TMEM17: variants seen among roughly 807,000 people sequenced by gnomAD.
TMEM17 encodes the protein transmembrane protein 17.
A neutral mutation model predicts 19.1 loss-of-function variants in TMEM17; 15 were observed. The observed-to-expected ratio is 0.78, with a 90% CI of 0.52 to 1.21. The LOEUF (loss-of-function observed/expected upper bound fraction) is 1.21. Among genes scored for constraint, TMEM17 ranks in the 50% most tolerant of loss-of-function variants. TMEM17 has a pLI of 0.00. For synonymous variants in TMEM17, 103 were observed against 86.9 expected (o/e 1.19, Z -1.03); for missense variants, 245 against 242.3 (o/e 1.01, Z -0.07).
At position 62,506,169 on chromosome 2, in the gene TMEM17, T is replaced by C. The variant is rs774938716; in HGVS notation, c.-40A>G. Reference sequence around the variant, plus strand: ...ATCCCTCACCCCCTCAGACACGGGCTAGTCTGCGGGCGCTCCGAGGCTCCG... The same window carrying C: ...ATCCCTCACCCCCTCAGACACGGGCCAGTCTGCGGGCGCTCCGAGGCTCCG... On this transcript the variant is annotated 5_prime_UTR_variant, in exon 1 of 4. Transcript: ENST00000335390. The C allele has an allele frequency of 6.5e-6, 10 of 1,532,514 alleles. No homozygotes were observed. Among genetic ancestry groups the C allele is most frequent in the Non-Finnish European group, 7.9e-6 (9 of 1,133,036 alleles). 94.9% of individuals were successfully genotyped at this position (1,532,514 alleles called of 1,614,324 possible).
the TMEM17 span, among the ~76,000 whole-genome samples, chr2:62,459,084 G>A: frequency 6.6e-6 from 1 of 152,212 alleles, no homozygotes; most frequent in African/African-American, 2.4e-5. Context: ...CTTGCTTGTA[G>A]AATTTCTGAC....
chr2:62,490,551 C>T, the TMEM17 span, among the ~76,000 whole-genome samples: 2 of 152,108 alleles, frequency 1.3e-5, no homozygotes, highest in Non-Finnish European at 2.9e-5. Flanking sequence ...GCATGAGCAA[C>T]AAGTCTGATA....
the TMEM17 span, among the ~76,000 whole-genome samples, chr2:62,459,478 C>A: frequency 2.0e-5 from 3 of 152,354 alleles, no homozygotes; most frequent in African/African-American, 7.2e-5. Context: ...GTTTCTTGAC[C>A]AACTGATTTG....
the TMEM17 span, among the ~76,000 whole-genome samples, chr2:62,458,582 A>C: frequency 6.6e-6 from 1 of 152,206 alleles, no homozygotes; most frequent in African/African-American, 2.4e-5. Context: ...GTGGTAACGC[A>C]TGGGGTGCTG....
the TMEM17 span, among the ~76,000 whole-genome samples, chr2:62,455,615 A>C: frequency 6.6e-6 from 1 of 152,202 alleles, no homozygotes; most frequent in Non-Finnish European, 1.5e-5. Flanking sequence ...AAAAATACAA[A>C]AATTAGCTGG....
rs201339749 is a variant in TMEM17, at chr2:62,502,449, G to T, written c.306C>A (p.Asn102Lys). Residue 102 changes from asparagine (N) to lysine (K), a missense_variant, in exon 3 of 4, where the codon AAC (asparagine) becomes AAA (lysine). Physicochemically the swap from Asn to Lys is moderately conservative, Grantham distance 94 (BLOSUM62 0). Coordinates refer to ENST00000335390, the MANE Select transcript of TMEM17 (RefSeq NM_198276.3). ...AAAAAGAGCTTACCTTCTCCTGTAG[G>T]TTACCCACGTAGCCCAGATACAACC... Reference protein sequence around the residue: ...AIRLYLGYVGNLQEKVPELAG... With the variant: ...AIRLYLGYVGKLQEKVPELAG... The T allele has an allele frequency of 1.9e-6, 3 of 1,603,364 alleles. No homozygotes were observed. The highest frequency in any genetic ancestry group is 1.3e-5 in the African/African-American group (1 of 74,594).
At chr2:62,462,796 A>C in the TMEM17 span, among the ~76,000 whole-genome samples, 1 of 152,086 alleles carries the variant, frequency 6.6e-6, no homozygotes, top group African/African-American at 2.4e-5. Context: ...GATAAACTAG[A>C]TAAGATGGTC....
chr2:62,480,049 TC>T, the TMEM17 span, among the ~76,000 whole-genome samples: 1 of 152,214 alleles, frequency 6.6e-6, no homozygotes, highest in African/African-American at 2.4e-5. Context: ...GGTTCTCTTT[TC>T]TCTGCATCTT....
chr2:62,479,975 T>C, the TMEM17 span, among the ~76,000 whole-genome samples: 1 of 152,150 alleles, frequency 6.6e-6, no homozygotes, highest in Non-Finnish European at 1.5e-5. Context: ...TTGTAGTTTT[T>C]TGAGGAATCT....
intron 3 of TMEM17, chr2:62,501,805 T>G (rs1240521672): frequency 4.6e-6 from 1 of 219,700 alleles, no homozygotes; most frequent in Non-Finnish European, 9.0e-6. Context: ...GCTTTTTAAG[T>G]TGTGGAGAAG....
the TMEM17 span, among the ~76,000 whole-genome samples, chr2:62,454,742 C>T: frequency 3.0e-4 from 45 of 152,286 alleles, no homozygotes; most frequent in South Asian, 2.3e-3. Flanking sequence ...CTCACTCTGT[C>T]GCCCAGGCTG....
downstream of TMEM17, among the ~76,000 whole-genome samples, chr2:62,495,666 CG>C (rs67825856): frequency 0.44 from 67,504 of 151,918 alleles, 15,325 homozygotes; most frequent in Middle Eastern, 0.59. Flanking sequence ...TTCTGTTTGC[CG>C]CTTTGTTTTC....
chr2:62,485,238 C>T, the TMEM17 span, among the ~76,000 whole-genome samples: 4 of 152,242 alleles, frequency 2.6e-5, no homozygotes, highest in Non-Finnish European at 5.9e-5. Context: ...CCACGCCCAG[C>T]TTGATTCATA....
At chr2:62,481,287 T>A in the TMEM17 span, among the ~76,000 whole-genome samples, 1 of 152,206 alleles carries the variant, frequency 6.6e-6, no homozygotes, top group Non-Finnish European at 1.5e-5. Context: ...GTATATTTAT[T>A]TTGTGCCCTG....
At chr2:62,457,466 C>G in the TMEM17 span, among the ~76,000 whole-genome samples, 1 of 152,192 alleles carries the variant, frequency 6.6e-6, no homozygotes, top group Non-Finnish European at 1.5e-5. The surrounding 1 kb of genome is among the most constrained non-coding windows in gnomAD (Gnocchi z 4.2). Context: ...ATAGCGGCCT[C>G]AGGGGCAGAG....
At chr2:62,479,022 G>T in the TMEM17 span, among the ~76,000 whole-genome samples, 1 of 152,196 alleles carries the variant, frequency 6.6e-6, no homozygotes, top group Non-Finnish European at 1.5e-5. Flanking sequence ...AGTGATCAGG[G>T]TAATTAGCAT....
At chr2:62,501,557 T>C (rs1679931104) in intron 3 of TMEM17, 70 bp from the exon 4 acceptor site, 7 of 1,421,646 alleles carry the variant, frequency 4.9e-6, no homozygotes, top group Non-Finnish European at 6.7e-6. Flanking sequence ...GATAAACAAG[T>C]ACTTATCACT....
chr2:62,461,119 C>A, the TMEM17 span, among the ~76,000 whole-genome samples: 1 of 152,300 alleles, frequency 6.6e-6, no homozygotes, highest in East Asian at 1.9e-4. Context: ...GGCTCTCTGG[C>A]CAGCCTCTTG....
intron 2 of TMEM17, 60 bp from the exon 3 acceptor site, chr2:62,502,610 T>C: frequency 1.5e-6 from 2 of 1,366,564 alleles, no homozygotes; most frequent in East Asian, 2.4e-5. Flanking sequence ...TGATTTAAGA[T>C]AGAAAAAATT....
Sources: gnomAD v4.1 joint callset for allele counts (sites outside exome capture counted in the v4.1 genomes callset) on GRCh38, gnomAD v4.1.1 for gene constraint, Gnocchi (gnomAD v3.1) non-coding constraint, MANE v1.5 for transcripts, NCBI Gene and HGNC (gene_info 2026-07-23, HGNC 2026-07-21) for gene names.